The following EPM2A variants were observed in gnomAD, a reference collection of about 807,000 sequenced individuals.
The protein encoded by EPM2A is EPM2A glucan phosphatase, laforin.
EPM2A carries 21 observed loss-of-function variants against 26.5 expected under a neutral mutation model. That is an observed-to-expected ratio of 0.79 (90% CI 0.56 to 1.14). EPM2A has a LOEUF of 1.14. Among genes scored for constraint, EPM2A ranks in the 50% most tolerant of loss-of-function variants. EPM2A has a pLI of 0.00. For missense variants in EPM2A, 458 were observed against 440.8 expected, an observed-to-expected ratio of 1.04 and a Z score of -0.35; for synonymous variants, 217 against 177.6, an observed-to-expected ratio of 1.22 and a Z score of -1.76.
At chr6:145,692,244 G>C (rs1443405501) in intron 1 of EPM2A, among the ~76,000 whole-genome samples, 1 of 151,858 alleles carries the variant, frequency 6.6e-6, no homozygotes, top group African/African-American at 2.4e-5. Context: ...AGAACTGAAA[G>C]AATTTTAAAA....
chr6:145,569,579 T>C (rs1780928513), intron 2 of EPM2A, among the ~76,000 whole-genome samples: 2 of 152,246 alleles, frequency 1.3e-5, no homozygotes, highest in African/African-American at 4.8e-5. Context: ...TTTGTCCCCA[T>C]CTAAATGCAT....
upstream of EPM2A, chr6:145,735,528 C>T (rs1776828072): frequency 3.4e-6 from 4 of 1,168,862 alleles, no homozygotes; most frequent in Non-Finnish European, 4.2e-6. Context: ...AATACCCGGG[C>T]CCGGAGTCCC....
chr6:145,465,044 C>A (rs547861047), intron 4 of EPM2A, among the ~76,000 whole-genome samples: 1 of 151,214 alleles, frequency 6.6e-6, no homozygotes, highest in East Asian at 2.0e-4. Flanking sequence ...TGGGGAATTT[C>A]TCCTGGATAA....
chr6:145,595,711 C>G (rs1344021296), intron 2 of EPM2A, among the ~76,000 whole-genome samples: 2 of 151,974 alleles, frequency 1.3e-5, no homozygotes, highest in Non-Finnish European at 2.9e-5. Context: ...TGAAATGTCA[C>G]CTTTCAGCTC....
upstream of EPM2A, chr6:145,735,676 T>C: frequency 2.8e-6 from 3 of 1,070,532 alleles, no homozygotes; most frequent in Non-Finnish European, 3.4e-6. Context: ...AGCCCAGACT[T>C]CGTCCAGGCC....
rs763719276 is a variant in EPM2A at position 145,735,342 on chromosome 6, C to T, written c.157G>A (p.Ala53Thr). 8.9e-5 allele frequency: 121 copies of T among 1,362,738 alleles called. No individual in the cohort carries two copies. In the Middle Eastern group the frequency reaches 1.8e-3, roughly 21 times the overall value. 84.4% of individuals were successfully genotyped at this position (1,362,738 alleles called of 1,614,324 possible). A position where few individuals can be genotyped will look rare whatever the true frequency, so the allele number is the denominator to read the frequency against. Residue 53 changes from alanine to threonine, a missense_variant, in exon 1 of 4, where the codon GCC becomes ACC. By Grantham distance (58) the Ala-to-Thr change is moderately conservative. Coordinates refer to ENST00000367519, the MANE Select transcript of EPM2A (RefSeq NM_005670.4). ...AGTAAGDGAL[A>T]LQEPGLWLGE... ...AGCCACAGGCCCGGCTCCTGCAGGG[C>T]CAGGGCCCCGTCGCCCGCCGCGGTG...
intron 2 of EPM2A, among the ~76,000 whole-genome samples, chr6:145,515,091 G>A (rs1256341976): frequency 6.6e-6 from 1 of 152,202 alleles, no homozygotes; most frequent in Non-Finnish European, 1.5e-5. Flanking sequence ...GTGAATGATG[G>A]ATCTTGCAGT....
intron 1 of EPM2A, among the ~76,000 whole-genome samples, chr6:145,733,948 A>G (rs149771483): frequency 2.2e-4 from 33 of 152,212 alleles, no homozygotes; most frequent in African/African-American, 6.0e-4. Context: ...AACCTTGCAC[A>G]TTTCCTTTAA....
chr6:145,437,883 G>C (rs1302323736), intron 4 of EPM2A, among the ~76,000 whole-genome samples: 1 of 152,106 alleles, frequency 6.6e-6, no homozygotes, highest in Non-Finnish European at 1.5e-5. Context: ...TTACTTAATG[G>C]AATTTTAAGT....
chr6:145,486,199 A>G (rs1356186484), intron 4 of EPM2A, among the ~76,000 whole-genome samples: 1 of 152,162 alleles, frequency 6.6e-6, no homozygotes, highest in Non-Finnish European at 1.5e-5. Context: ...GGTAAAGCTA[A>G]AGCTGCCAGC....
At chr6:145,638,218 A>G (rs898642667) in intron 2 of EPM2A, 2 of 152,228 alleles carry the variant, frequency 1.3e-5, no homozygotes, top group African/African-American at 4.8e-5. Context: ...ATGCCAAAAT[A>G]AAATGGCTGG....
intron 2 of EPM2A, among the ~76,000 whole-genome samples, chr6:145,579,606 C>T (rs1048279228): frequency 6.6e-6 from 1 of 152,066 alleles, no homozygotes; most frequent in East Asian, 1.9e-4. Context: ...CTTAAAAGTG[C>T]CTTTTTTATA....
intron 4 of EPM2A, among the ~76,000 whole-genome samples, chr6:145,454,342 T>TG (rs1779233846): frequency 6.6e-6 from 1 of 152,180 alleles, no homozygotes; most frequent in Non-Finnish European, 1.5e-5. Context: ...AATATTCTAA[T>TG]GATACCAGGA....
chr6:145,488,304 T>G (rs945464217), intron 4 of EPM2A, among the ~76,000 whole-genome samples: 4 of 152,148 alleles, frequency 2.6e-5, no homozygotes. Flanking sequence ...ATTCAAGCTC[T>G]TTTTAGGTTC....
intron 2 of EPM2A, among the ~76,000 whole-genome samples, chr6:145,552,920 T>C (rs1307419675): frequency 6.6e-6 from 1 of 152,110 alleles, no homozygotes; most frequent in East Asian, 1.9e-4. Context: ...AATTATATGT[T>C]AATTAATTAA....
intron 2 of EPM2A, among the ~76,000 whole-genome samples, chr6:145,561,118 C>T (rs575664780): frequency 6.6e-6 from 1 of 151,240 alleles, no homozygotes; most frequent in Non-Finnish European, 1.5e-5. Flanking sequence ...TGGTAAGTGT[C>T]CTATACAGCT....
chr6:145,658,173 G>C (rs558471960), intron 2 of EPM2A, among the ~76,000 whole-genome samples: 3 of 152,292 alleles, frequency 2.0e-5, no homozygotes, highest in Non-Finnish European at 2.9e-5. Context: ...AATACTTTAA[G>C]CCAAGTTAGA....
At position 145,671,173 on chromosome 6, in the gene EPM2A, G is replaced by C. The variant is rs150767809; in HGVS notation, c.476+14949C>G. 2.1e-5 allele frequency: 21 copies of C among 1,008,696 alleles called. No homozygotes were observed. In the Admixed American group the frequency reaches 2.9e-4, roughly 14 times the overall value. The allele number at this position is 1,008,696 out of a possible 1,614,324, so 62.5% of individuals were successfully genotyped here. On this transcript the variant is annotated intron_variant, in intron 2 of 3. Coordinates refer to ENST00000367519, the MANE Select transcript of EPM2A (RefSeq NM_005670.4). ...CCAAAAAAGATTCTTGTCGAAGTTTGATTTATAAATGCGAGCAAAGTAAAA... is the reference window on the plus strand; with the variant it reads ...CCAAAAAAGATTCTTGTCGAAGTTTCATTTATAAATGCGAGCAAAGTAAAA...
chr6:145,488,522 T>A (rs7767936), intron 4 of EPM2A, among the ~76,000 whole-genome samples: 6,686 of 139,506 alleles, frequency 0.048, 250 homozygotes, highest in East Asian at 0.15. Flanking sequence ...TGTGTGTGTG[T>A]GAGAGAGAGA....
Sources: allele counts gnomAD v4.1 joint callset (sites outside exome capture counted in the v4.1 genomes callset), GRCh38; gene constraint gnomAD v4.1.1; transcripts MANE v1.5; gene names NCBI Gene and HGNC (gene_info 2026-07-23, HGNC 2026-07-21).